SIRPA: variants seen among roughly 807,000 people sequenced by gnomAD.
SIRPA encodes tyrosine-protein phosphatase non-receptor type substrate 1.
Under a neutral mutation model 50.3 loss-of-function variants are expected in SIRPA, and 9 were observed. That is an observed-to-expected ratio of 0.18 (90% CI 0.11 to 0.31). The LOEUF (loss-of-function observed/expected upper bound fraction) is 0.31, where lower values mean the gene tolerates loss of function less well. Among genes scored for constraint, SIRPA ranks in the 10% least tolerant of loss-of-function variants. The probability of loss-of-function intolerance (pLI) is 1.00; values close to 1 mark genes in which losing one functional copy is unlikely to be tolerated. For synonymous variants in SIRPA, 265 were observed against 284.1 expected (o/e 0.93, Z 0.68); for missense variants, 474 against 661.6 (o/e 0.72, Z 3.11).
At position 1,924,734 on chromosome 20, in the gene SIRPA, C is replaced by T. The variant is rs774245852; in HGVS notation, c.1088-30C>T. ...TGGTTTTCTGTTTTTAATCTGCATA[C>T]GTGAAGCCTCTATTCCATGTGGTCC... On this transcript the variant is annotated intron_variant, in intron 4 of 7. Transcript: ENST00000358771. The surrounding 1 kb of genome is among the most constrained non-coding windows in gnomAD (Gnocchi z 4.5). The T allele has an allele frequency of 1.2e-5, 19 of 1,579,656 alleles. No individual in the cohort carries two copies. The highest frequency in any genetic ancestry group is 2.2e-5 in the South Asian group (2 of 90,394).
intron 1 of SIRPA, among the ~76,000 whole-genome samples, chr20:1,911,168 A>C (rs1223923209): frequency 6.6e-6 from 1 of 152,212 alleles, no homozygotes; most frequent in Non-Finnish European, 1.5e-5. Flanking sequence ...ATTCACCATA[A>C]TGGGATCAGC....
intron 1 of SIRPA, among the ~76,000 whole-genome samples, chr20:1,909,195 G>T (rs1018528182): frequency 3.9e-5 from 6 of 152,240 alleles, no homozygotes; most frequent in African/African-American, 1.2e-4. Flanking sequence ...AGACCCTGGG[G>T]GTCCTTGAGT....
chr20:1,904,005 A>G lies in SIRPA; in HGVS notation c.79+8479A>G, dbSNP rs372090403. On this transcript the variant is annotated intron_variant, in intron 1 of 7. Transcript: ENST00000358771. ...GGCCTGACACACAGTAGGTGGGTTAATAGATACTGATTGAATGAAAGAACA... is the reference window on the plus strand; with the variant it reads ...GGCCTGACACACAGTAGGTGGGTTAGTAGATACTGATTGAATGAAAGAACA... Among the ~76,000 whole-genome samples the G allele has an allele frequency of 2.9e-3, 434 of 152,244 alleles. 3 individuals carry two copies. Among genetic ancestry groups the G allele is most frequent in the African/African-American group, 9.8e-3 (405 of 41,524 alleles).
chr20:1,924,665 T>A lies in SIRPA; in HGVS notation c.1088-99T>A, dbSNP rs1166999113. 4 of 943,016 alleles carry A rather than the reference T, an allele frequency of 4.2e-6. No homozygotes were observed. Among genetic ancestry groups the A allele is most frequent in the Non-Finnish European group, 5.1e-6 (3 of 592,542 alleles). 58.4% of individuals were successfully genotyped at this position (943,016 alleles called of 1,614,324 possible). A position where few individuals can be genotyped will look rare whatever the true frequency, so the allele number is the denominator to read the frequency against. Reference sequence around the variant, plus strand: ...TCTAAGAAGGTCCAGCCAGATGTTCTCAGTTAATGATGCCTGCTTAGTGGT... The same window carrying A: ...TCTAAGAAGGTCCAGCCAGATGTTCACAGTTAATGATGCCTGCTTAGTGGT... On this transcript the variant is annotated intron_variant, in intron 4 of 7. Transcript: ENST00000358771. The surrounding 1 kb of genome is among the most constrained non-coding windows in gnomAD (Gnocchi z 4.5).
rs1440531418 is a variant in SIRPA, at chr20:1,939,405, A to T, written c.*1837A>T. On this transcript the variant is annotated 3_prime_UTR_variant, in exon 8 of 8. Coordinates refer to ENST00000358771, the MANE Select transcript of SIRPA (RefSeq NM_001040023.2). The surrounding 1 kb of genome is among the most constrained non-coding windows in gnomAD (Gnocchi z 4.7). The stretch of plus-strand genomic sequence containing the variant: ...CAGGAATTAGCTGAGCCAACAGACC[A>T]TGTGGACAGCTTTGGCCAGAGCTCC... 1.3e-5 allele frequency: 2 copies of T among 152,228 alleles called. No individual in the cohort carries two copies. Among genetic ancestry groups the T allele is most frequent in the Non-Finnish European group, 2.9e-5 (2 of 68,038 alleles). 9.4% of individuals were successfully genotyped at this position (152,228 alleles called of 1,614,324 possible).
chr20:1,924,635 A>C lies in SIRPA; in HGVS notation c.1088-129A>C. Reference sequence around the variant, plus strand: ...CCCATGAGTGTGCCCATGTGGCTCGAGACATCTAAGAAGGTCCAGCCAGAT... The same window carrying C: ...CCCATGAGTGTGCCCATGTGGCTCGCGACATCTAAGAAGGTCCAGCCAGAT... On this transcript the variant is annotated intron_variant, in intron 4 of 7. Transcript: ENST00000358771. The surrounding 1 kb of genome is among the most constrained non-coding windows in gnomAD (Gnocchi z 4.5). 1 of 723,606 alleles carries C rather than the reference A, an allele frequency of 1.4e-6. No homozygotes were observed. Among genetic ancestry groups the C allele is most frequent in the Non-Finnish European group, 2.4e-6 (1 of 416,546 alleles). The allele number at this position is 723,606 out of a possible 1,614,324, so 44.8% of individuals were successfully genotyped here.
intron 1 of SIRPA, among the ~76,000 whole-genome samples, chr20:1,914,672 G>A (rs115697786): frequency 0.012 from 1,791 of 151,158 alleles, 35 homozygotes; most frequent in African/African-American, 0.041. Flanking sequence ...CTCCCTTCTC[G>A]GGGCCTGCAT....
intron 1 of SIRPA, among the ~76,000 whole-genome samples, chr20:1,914,418 T>C (rs1756961827): frequency 6.6e-6 from 1 of 152,090 alleles, no homozygotes; most frequent in African/African-American, 2.4e-5. Flanking sequence ...TCATAGTAAC[T>C]ATTTTACAGA....
chr20:1,928,851 G>A lies in SIRPA; in HGVS notation c.1226+952G>A, dbSNP rs1274222894. Reference sequence around the variant, plus strand: ...TGCAGATGCCCCTGCAGTCAGAGGTGTTACGAACTATTCTGTGAAAAGCCT... The same window carrying A: ...TGCAGATGCCCCTGCAGTCAGAGGTATTACGAACTATTCTGTGAAAAGCCT... On this transcript the variant is annotated intron_variant, in intron 6 of 7. Coordinates refer to ENST00000358771, the MANE Select transcript of SIRPA (RefSeq NM_001040023.2). This position sits in a 1 kb window ranked among gnomAD's most constrained non-coding sequence, Gnocchi z 4.9. Among the ~76,000 whole-genome samples the A allele has an allele frequency of 6.6e-6, 1 of 152,172 alleles. No homozygotes were observed. Among genetic ancestry groups the A allele is most frequent in the East Asian group, 1.9e-4 (1 of 5,196 alleles).
At chr20:1,908,226 A>G (rs1984663145) in intron 1 of SIRPA, among the ~76,000 whole-genome samples, 1 of 152,074 alleles carries the variant, frequency 6.6e-6, no homozygotes, top group Non-Finnish European at 1.5e-5. Flanking sequence ...CACACTCCCG[A>G]ACACAGGCAC....
At chr20:1,910,392 C>A (rs1984818291) in intron 1 of SIRPA, among the ~76,000 whole-genome samples, 1 of 152,172 alleles carries the variant, frequency 6.6e-6, no homozygotes, top group Non-Finnish European at 1.5e-5. Context: ...CAAAAAAATA[C>A]AATATATGAT....
chr20:1,912,082 A>G (rs1984921950), intron 1 of SIRPA, among the ~76,000 whole-genome samples: 1 of 152,190 alleles, frequency 6.6e-6, no homozygotes, highest in Non-Finnish European at 1.5e-5. Context: ...AAGCCGCCTA[A>G]ATCTGGCTGC....
At chr20:1,915,663 T>G (rs1259404267) in intron 2 of SIRPA, among the ~76,000 whole-genome samples, 1 of 152,210 alleles carries the variant, frequency 6.6e-6, no homozygotes, top group Non-Finnish European at 1.5e-5. Flanking sequence ...GGTGGGAACA[T>G]CTGCATCCTT....
Position 1,921,589 on chromosome 20 carries a change from A to T in SIRPA, c.631A>T (p.Ser211Cys). The change falls in exon 3 of 8, where the codon AGC (serine) becomes TGC (cysteine). Residue 211 changes from serine (S) to cysteine (C), a missense_variant. Around this residue, in one of 4 missense-constraint regions of SIRPA, gnomAD observed 221 missense variants for 359.9 expected, o/e 0.61. Transcript: ENST00000358771. ...AGAGAGCGTGTCCTACAGCATCCAC[A>T]GCACAGCCAAGGTGGTGCTGACCCG... ...VGESVSYSIH[S>C]TAKVVLTRED... 6.2e-7 allele frequency: 1 copy of T among 1,614,246 alleles called. No homozygotes were observed. The highest frequency in any genetic ancestry group is 8.5e-7 in the Non-Finnish European group (1 of 1,180,050).
rs1353495735 is a variant in SIRPA at position 1,938,192 on chromosome 20, GAGGACCCCTCCCAA to G, written c.*630_*643del. 6.5e-6 allele frequency: 1 copy of G among 153,488 alleles called. No homozygotes were observed. Among genetic ancestry groups the G allele is most frequent in the African/African-American group, 2.4e-5 (1 of 41,440 alleles). 9.5% of individuals were successfully genotyped at this position (153,488 alleles called of 1,614,324 possible). A position where few individuals can be genotyped will look rare whatever the true frequency, so the allele number is the denominator to read the frequency against. On this transcript the variant is annotated 3_prime_UTR_variant, in exon 8 of 8. Coordinates refer to ENST00000358771, the MANE Select transcript of SIRPA (RefSeq NM_001040023.2). ...AAGAGCCATGAGTCCTGGAGGAGGA[GAGGACCCCTCCCAA>G]AGGACTGGAGACAAAACCCTCTGCT...
intron 1 of SIRPA, among the ~76,000 whole-genome samples, chr20:1,901,137 TTTG>T (rs1156904540): frequency 6.6e-6 from 1 of 151,806 alleles, no homozygotes; most frequent in Non-Finnish European, 1.5e-5. Context: ...CATTTTTGTT[TTTG>T]TTTTTTCTTC....
intron 1 of SIRPA, among the ~76,000 whole-genome samples, chr20:1,910,013 G>C (rs6111934): frequency 0.04 from 6,130 of 152,272 alleles, 390 homozygotes; most frequent in African/African-American, 0.14. Context: ...AGATGTGGCG[G>C]GAGAAGCAGG....
At chr20:1,910,296 T>C (rs1168133213) in intron 1 of SIRPA, among the ~76,000 whole-genome samples, 3 of 152,214 alleles carry the variant, frequency 2.0e-5, no homozygotes, top group Admixed American at 6.5e-5. Flanking sequence ...CCACCCACTG[T>C]GCTGACTGCT....
intron 2 of SIRPA, among the ~76,000 whole-genome samples, chr20:1,916,151 C>G (rs932461487): frequency 8.5e-5 from 13 of 152,210 alleles, no homozygotes; most frequent in African/African-American, 2.7e-4. Flanking sequence ...TAGAATGTCT[C>G]TCACCCCAGG....
Sources: allele counts gnomAD v4.1 joint callset (sites outside exome capture counted in the v4.1 genomes callset), GRCh38; gene constraint gnomAD v4.1.1; regional missense constraint gnomAD v4.1.1; non-coding constraint Gnocchi (gnomAD v3.1); transcripts MANE v1.5; gene names NCBI Gene and HGNC (gene_info 2026-07-23, HGNC 2026-07-21).